MDGA2: variants seen among roughly 807,000 people sequenced by gnomAD.
The protein encoded by MDGA2 is MAM domain-containing glycosylphosphatidylinositol anchor protein 2.
In MDGA2, 40 loss-of-function variants were observed where a neutral mutation model predicts 117.8. That is an observed-to-expected ratio of 0.34 (90% confidence interval 0.26 to 0.44). The LOEUF is 0.44. MDGA2 is among the 20% of genes least tolerant of loss of function. The pLI, the probability that MDGA2 is intolerant of heterozygous loss-of-function variation, is 1.00. For missense variants in MDGA2, 1,123 were observed against 1,250.6 expected (o/e 0.90, Z 1.54); for synonymous variants, 452 against 439.0 (o/e 1.03, Z -0.37).
chr14:46,846,246 TCATAA>T (rs1266000592), intron 15 of MDGA2, among the ~76,000 whole-genome samples: 1 of 152,156 alleles, frequency 6.6e-6, no homozygotes, highest in African/African-American at 2.4e-5. Context: ...TGAACATAAC[TCATAA>T]CATTAGTTTT....
chr14:47,493,465 C>G (rs1189922845), intron 1 of MDGA2, among the ~76,000 whole-genome samples: 3 of 151,738 alleles, frequency 2.0e-5, no homozygotes, highest in Admixed American at 1.3e-4. Context: ...CAGGTGCGCA[C>G]CACTACTGCC....
intron 1 of MDGA2, among the ~76,000 whole-genome samples, chr14:47,546,447 TTACC>T (rs1294700868): frequency 2.6e-5 from 4 of 152,254 alleles, no homozygotes; most frequent in Non-Finnish European, 4.4e-5. Context: ...AGGTATATGT[TTACC>T]TACAGAATCT....
At chr14:46,862,524 T>C (rs981584956) in intron 14 of MDGA2, among the ~76,000 whole-genome samples, 1 of 150,910 alleles carries the variant, frequency 6.6e-6, no homozygotes, top group African/African-American at 2.4e-5. Flanking sequence ...ACTATAAATA[T>C]GTATTATATA....
intron 1 of MDGA2, among the ~76,000 whole-genome samples, chr14:47,312,731 T>C (rs1889682164): frequency 7.7e-6 from 1 of 130,366 alleles, no homozygotes; most frequent in African/African-American, 3.0e-5. Flanking sequence ...GGTATTTCCA[T>C]GCTGCCCAGG....
At chr14:47,143,857 T>C (rs1346381131) in intron 4 of MDGA2, among the ~76,000 whole-genome samples, 1 of 152,182 alleles carries the variant, frequency 6.6e-6, no homozygotes, top group Admixed American at 6.5e-5. Context: ...CATAGTAAGT[T>C]AAAAAATGTT....
intron 1 of MDGA2, among the ~76,000 whole-genome samples, chr14:47,313,605 A>T (rs1386266276): frequency 6.6e-6 from 1 of 152,140 alleles, no homozygotes; most frequent in Non-Finnish European, 1.5e-5. Flanking sequence ...CTCAAAATGT[A>T]CTTTCAAAAA....
chr14:46,996,628 A>C (rs1887303309), intron 8 of MDGA2: 1 of 153,176 alleles, frequency 6.5e-6, no homozygotes, highest in Non-Finnish European at 1.5e-5. Flanking sequence ...GGAGATAATT[A>C]GATATTGCAG....
intron 1 of MDGA2, among the ~76,000 whole-genome samples, chr14:47,349,773 C>G (rs1275640908): frequency 1.3e-5 from 2 of 152,212 alleles, no homozygotes; most frequent in Non-Finnish European, 2.9e-5. Flanking sequence ...CTTCTCTGAG[C>G]TGCAAATTAA....
intron 1 of MDGA2, among the ~76,000 whole-genome samples, chr14:47,382,609 A>C (rs559794399): frequency 4.2e-4 from 64 of 152,388 alleles, no homozygotes; most frequent in African/African-American, 1.5e-3. Context: ...AAAAATGTTC[A>C]TCATCACTGG....
intron 1 of MDGA2, among the ~76,000 whole-genome samples, chr14:47,441,880 T>A (rs969211528): frequency 1.3e-5 from 2 of 152,158 alleles, no homozygotes; most frequent in Non-Finnish European, 2.9e-5. Context: ...CCACAATGTA[T>A]CTTGGGATAG....
chr14:46,919,445 C>T (rs1884037689), intron 10 of MDGA2, among the ~76,000 whole-genome samples: 1 of 152,174 alleles, frequency 6.6e-6, no homozygotes, highest in Non-Finnish European at 1.5e-5. Flanking sequence ...CATTTTAACC[C>T]TTTGAAAAAG....
At chr14:47,201,049 A>T in intron 3 of MDGA2, 1 of 1,133,144 alleles carries the variant, frequency 8.8e-7, no homozygotes, top group Non-Finnish European at 1.3e-6. Flanking sequence ...AATGGCCGCC[A>T]GGCGGCCCAG....
chr14:47,577,640 C>T (rs571665820), intron 1 of MDGA2, among the ~76,000 whole-genome samples: 30 of 152,268 alleles, frequency 2.0e-4, no homozygotes, highest in African/African-American at 7.2e-4. Flanking sequence ...TGAACAGATA[C>T]TTCTCAAAAG....
At chr14:47,041,613 C>T (rs562359971) in intron 7 of MDGA2, among the ~76,000 whole-genome samples, 1 of 148,576 alleles carries the variant, frequency 6.7e-6, no homozygotes, top group East Asian at 2.0e-4. Flanking sequence ...CATGATATGA[C>T]ACCAAAGTTT....
intron 5 of MDGA2, among the ~76,000 whole-genome samples, chr14:47,126,735 A>G (rs76003377): frequency 0.017 from 2,644 of 152,242 alleles, 38 homozygotes; most frequent in Non-Finnish European, 0.025. Flanking sequence ...TAATTATTTA[A>G]ACTTGTTTAA....
intron 3 of MDGA2, among the ~76,000 whole-genome samples, chr14:47,166,899 GGGCCTCCA>G (rs1182095185): frequency 1.3e-5 from 2 of 152,092 alleles, no homozygotes; most frequent in Non-Finnish European, 2.9e-5. Context: ...CTGATAAACA[GGGCCTCCA>G]GGCTGACAAG....
intron 1 of MDGA2, among the ~76,000 whole-genome samples, chr14:47,365,317 C>T (rs966023133): frequency 1.8e-4 from 27 of 152,318 alleles, no homozygotes; most frequent in Admixed American, 5.9e-4. Context: ...AAGGTTCTCC[C>T]GTGGAAGCTG....
At chr14:47,574,663 T>C (rs1213352688) in intron 1 of MDGA2, among the ~76,000 whole-genome samples, 1 of 152,170 alleles carries the variant, frequency 6.6e-6, no homozygotes, top group African/African-American at 2.4e-5. Context: ...AAATAATAGA[T>C]AAAATTTATT....
At chr14:47,258,604 T>C (rs941729433) in intron 2 of MDGA2, among the ~76,000 whole-genome samples, 1 of 151,992 alleles carries the variant, frequency 6.6e-6, no homozygotes, top group Admixed American at 6.6e-5. Flanking sequence ...AAAATGTAGG[T>C]TTTTTGAGAC....
Sources: gnomAD v4.1 joint callset for allele counts (sites outside exome capture counted in the v4.1 genomes callset) on GRCh38, gnomAD v4.1.1 for gene constraint, MANE v1.5 for transcripts, NCBI Gene and HGNC (gene_info 2026-07-23, HGNC 2026-07-21) for gene names.